Variants in PRXL2A observed in about 807,000 individuals in gnomAD.
PRXL2A encodes peroxiredoxin like 2A.
Under a neutral mutation model 25.6 loss-of-function variants are expected in PRXL2A, and 26 were observed. That is an observed-to-expected ratio of 1.02 (90% CI 0.74 to 1.41). The LOEUF is 1.41. Among genes scored for constraint, PRXL2A ranks in the 40% most tolerant of loss-of-function variants. The pLI, the probability that PRXL2A is intolerant of heterozygous loss-of-function variation, is 0.00. For missense variants in PRXL2A, 246 were observed against 273.9 expected (o/e 0.90, Z 0.72); for synonymous variants, 98 against 102.9 (o/e 0.95, Z 0.29).
At chr10:80,415,434 A>C (rs1007417865) in intron 1 of PRXL2A, among the ~76,000 whole-genome samples, 1 of 152,214 alleles carries the variant, frequency 6.6e-6, no homozygotes, top group Non-Finnish European at 1.5e-5. Flanking sequence ...TGCCCCAGTC[A>C]GCCTGCTGTC....
At chr10:80,420,702 A>T in intron 2 of PRXL2A, 57 bp downstream of exon 2, 1 of 1,282,686 alleles carries the variant, frequency 7.8e-7, no homozygotes. Context: ...ATACAGGCTT[A>T]CTGCTTTCTT....
chr10:80,420,599 G>T lies in PRXL2A; in HGVS notation c.132G>T (p.Ala44=), dbSNP rs141706830. Residue 44 remains alanine, a synonymous_variant, in exon 2 of 6, where the codon GCG becomes GCT. Coordinates refer to ENST00000606162, the MANE Select transcript of PRXL2A (RefSeq NM_032333.5). Reference sequence around the variant, plus strand: ...TGTTTCTGTCCAAGCCCCAGAAAGCGGCCCTGGAGTACCTGGAGGATATAG... The same window carrying T: ...TGTTTCTGTCCAAGCCCCAGAAAGCTGCCCTGGAGTACCTGGAGGATATAG... ...TDVFLSKPQK[A]ALEYLEDIDL... 1.9e-6 allele frequency: 3 copies of T among 1,613,770 alleles called. No individual in the cohort carries two copies. The highest frequency in any genetic ancestry group is 2.5e-6 in the Non-Finnish European group (3 of 1,179,860).
intron 1 of PRXL2A, among the ~76,000 whole-genome samples, chr10:80,415,461 C>G (rs1428349195): frequency 6.6e-6 from 1 of 152,212 alleles, no homozygotes; most frequent in African/African-American, 2.4e-5. Flanking sequence ...CTTAGCTGGC[C>G]CCATCCCAGC....
At chr10:80,431,922 G>T (rs1490910357) in intron 5 of PRXL2A, 64 bp from the exon 6 acceptor site, 2 of 1,163,466 alleles carry the variant, frequency 1.7e-6, no homozygotes, top group Non-Finnish European at 2.6e-6. Flanking sequence ...GCTGGTCCTC[G>T]ATGCCTGTCT....
chr10:80,431,747 G>A (rs1845269366), intron 5 of PRXL2A, among the ~76,000 whole-genome samples: 1 of 152,090 alleles, frequency 6.6e-6, no homozygotes, highest in Non-Finnish European at 1.5e-5. Flanking sequence ...CCCTTGTCAT[G>A]CTTTATCACT....
intron 5 of PRXL2A, 59 bp from the exon 6 acceptor site, chr10:80,431,927 C>A: frequency 2.4e-6 from 3 of 1,238,402 alleles, no homozygotes; most frequent in Non-Finnish European, 3.5e-6. Flanking sequence ...TCCTCGATGC[C>A]TGTCTCATGA....
rs913139815 is a variant in PRXL2A, at chr10:80,436,169, A to C, written c.*4070A>C. 16 of 148,442 alleles carry C rather than the reference A, an allele frequency of 1.1e-4. No homozygotes were observed. Among genetic ancestry groups the C allele is most frequent in the African/African-American group, 3.0e-4 (12 of 40,558 alleles). The allele number at this position is 148,442 out of a possible 1,614,324, so 9.2% of individuals were successfully genotyped here. On this transcript the variant is annotated 3_prime_UTR_variant, in exon 6 of 6. Coordinates refer to ENST00000606162, the MANE Select transcript of PRXL2A (RefSeq NM_032333.5). ...TTGCTTGTCACCTAGGCTAGAGTGC[A>C]GTAATGCAATCATGGCTCACTGCTG...
At position 80,437,020 on chromosome 10, in the gene PRXL2A, T is replaced by A. The variant is rs926764947; in HGVS notation, c.*4921T>A. 1.3e-5 allele frequency: 2 copies of A among 152,240 alleles called. No individual in the cohort carries two copies. The highest frequency in any genetic ancestry group is 2.9e-5 in the Non-Finnish European group (2 of 68,046). The allele number at this position is 152,240 out of a possible 1,614,324, so 9.4% of individuals were successfully genotyped here. A position where few individuals can be genotyped will look rare whatever the true frequency, so the allele number is the denominator to read the frequency against. On this transcript the variant is annotated 3_prime_UTR_variant, in exon 6 of 6. Transcript: ENST00000606162. ...GTCCATAATCTGTTGAACCTAAACA[T>A]AAAAATGGACAATTCCCCTGTATCT...
chr10:80,430,978 C>T (rs1736754597), intron 5 of PRXL2A, among the ~76,000 whole-genome samples: 1 of 152,166 alleles, frequency 6.6e-6, no homozygotes, highest in Non-Finnish European at 1.5e-5. Flanking sequence ...CAACCTCCGC[C>T]TCCCAGCCTC....
intron 5 of PRXL2A, among the ~76,000 whole-genome samples, chr10:80,430,986 C>T (rs1400180666): frequency 1.3e-5 from 2 of 152,128 alleles, no homozygotes; most frequent in African/African-American, 4.8e-5. Context: ...GCCTCCCAGC[C>T]TCCCAGGTTC....
In PRXL2A at chr10:80,417,018, C is replaced by T. The variant is rs369254794; in HGVS notation, c.-2-3448C>T. On this transcript the variant is annotated intron_variant, in intron 1 of 5. Coordinates refer to ENST00000606162, the MANE Select transcript of PRXL2A (RefSeq NM_032333.5). ...TTTATTAAGCGGGTGGCCAAAGAGA[C>T]GGCTAACGCTCAAAATTCTCTCGGC... Among the ~76,000 whole-genome samples the T allele has an allele frequency of 3.9e-5, 6 of 152,172 alleles. No individual in the cohort carries two copies. In the East Asian group the frequency reaches 5.8e-4, roughly 15 times the overall value.
intron 3 of PRXL2A, among the ~76,000 whole-genome samples, chr10:80,424,920 A>G (rs1844994673): frequency 6.6e-6 from 1 of 152,224 alleles, no homozygotes; most frequent in Non-Finnish European, 1.5e-5. Flanking sequence ...TTTTGATTAT[A>G]TCAAACACTG....
intron 2 of PRXL2A, among the ~76,000 whole-genome samples, chr10:80,421,347 A>C (rs1421831532): frequency 1.3e-5 from 2 of 152,166 alleles, no homozygotes; most frequent in Admixed American, 1.3e-4. Flanking sequence ...GTGTGCTCTC[A>C]GTGTTAGAGC....
At chr10:80,410,239 C>G (rs1275938758) in intron 1 of PRXL2A, among the ~76,000 whole-genome samples, 1 of 152,266 alleles carries the variant, frequency 6.6e-6, no homozygotes, top group Non-Finnish European at 1.5e-5. Flanking sequence ...AAGAACCATC[C>G]TGAGGTTCTG....
chr10:80,418,025 CT>C lies in PRXL2A; in HGVS notation c.-2-2427del, dbSNP rs746563537. 7.1e-3 allele frequency among the ~76,000 whole-genome samples: 1,000 copies of C among 141,574 alleles called. 6 individuals are homozygous for C. Among genetic ancestry groups the C allele is most frequent in the African/African-American group, 0.014 (528 of 38,892 alleles). The allele number at this position is 141,574 out of a possible 152,430, so 92.9% of individuals were successfully genotyped here. On this transcript the variant is annotated intron_variant, in intron 1 of 5. Transcript: ENST00000606162. ...ACTCAACCAAGGTTCTCTCTTATTC[CT>C]TTTTTTTTTTTTTAATTATTTTAGA... is the stretch of plus-strand genomic sequence containing the variant.
intron 3 of PRXL2A, 135 bp from the exon 4 acceptor site, chr10:80,425,731 G>A: frequency 9.4e-7 from 1 of 1,067,996 alleles, no homozygotes; most frequent in Non-Finnish European, 1.4e-6. Flanking sequence ...GGTTAGGACA[G>A]CCATAACAGG....
rs1324180688 is a variant in PRXL2A, at chr10:80,436,818, A to G, written c.*4719A>G. On this transcript the variant is annotated 3_prime_UTR_variant, in exon 6 of 6. Transcript: ENST00000606162. ...AAACTGGTTGGAAAGAAATGATCTG[A>G]CCTACCGTGTTTGACTGTCGTAAGA... 6.6e-6 allele frequency: 1 copy of G among 152,122 alleles called. No individual in the cohort carries two copies. The highest frequency in any genetic ancestry group is 1.5e-5 in the Non-Finnish European group (1 of 68,034). The allele number at this position is 152,122 out of a possible 1,614,324, so 9.4% of individuals were successfully genotyped here.
chr10:80,420,168 G>T, intron 1 of PRXL2A: 1 of 1,041,964 alleles, frequency 9.6e-7, no homozygotes, highest in Non-Finnish European at 1.2e-6. Flanking sequence ...TGCAACTTGG[G>T]GCATGAGAAG....
chr10:80,435,950 G>A lies in PRXL2A; in HGVS notation c.*3851G>A, dbSNP rs1845391192. ...TATTTGATAAACTGAGAATCCACATGCAAAGAAATGCAAGAAAATTCAAAG... is the reference window on the plus strand; with the variant it reads ...TATTTGATAAACTGAGAATCCACATACAAAGAAATGCAAGAAAATTCAAAG... On this transcript the variant is annotated 3_prime_UTR_variant, in exon 6 of 6. Coordinates refer to ENST00000606162, the MANE Select transcript of PRXL2A (RefSeq NM_032333.5). The A allele has an allele frequency of 6.6e-6, 1 of 152,064 alleles. No individual in the cohort carries two copies. The highest frequency in any genetic ancestry group is 1.5e-5 in the Non-Finnish European group (1 of 68,022). The allele number at this position is 152,064 out of a possible 1,614,324, so 9.4% of individuals were successfully genotyped here. A position where few individuals can be genotyped will look rare whatever the true frequency, so the allele number is the denominator to read the frequency against.
Sources: gnomAD v4.1 joint callset for allele counts (sites outside exome capture counted in the v4.1 genomes callset) on GRCh38, gnomAD v4.1.1 for gene constraint, MANE v1.5 for transcripts, NCBI Gene and HGNC (gene_info 2026-07-23, HGNC 2026-07-21) for gene names.